GAREM1: variants seen among roughly 807,000 people sequenced by gnomAD.
The protein encoded by GAREM1 is GRB2 associated regulator of MAPK1 subtype 1, also known as GRB2-associated and regulator of MAPK protein 1.
In GAREM1, 26 loss-of-function variants were observed where a neutral mutation model predicts 71.3. That is an observed-to-expected ratio of 0.36 (90% CI 0.27 to 0.51). The LOEUF (loss-of-function observed/expected upper bound fraction) is 0.51, where lower values mean the gene tolerates loss of function less well. Among genes scored for constraint, GAREM1 ranks in the 20% least tolerant of loss-of-function variants. The pLI is 0.95. For synonymous variants in GAREM1, 440 were observed against 433.2 expected, an observed-to-expected ratio of 1.02 and a Z score of -0.20; for missense variants, 1,026 against 1,103.1, an observed-to-expected ratio of 0.93 and a Z score of 0.99.
chr18:32,347,485 A>T lies in GAREM1; in HGVS notation c.263-37162T>A, dbSNP rs114991540. Among the ~76,000 whole-genome samples, 1,302 of 152,312 alleles carry T rather than the reference A, an allele frequency of 8.5e-3. 20 individuals carry two copies. Among genetic ancestry groups the T allele is most frequent in the African/African-American group, 0.03 (1,234 of 41,574 alleles). ...TACTCTAGTTGGCTGCTTGGGAACA[A>T]AGGAAGAAACTGGAGTTCATATTGG... is the stretch of plus-strand genomic sequence containing the variant. On this transcript the variant is annotated intron_variant, in intron 2 of 5. Coordinates refer to ENST00000269209, the MANE Select transcript of GAREM1 (RefSeq NM_001242409.2).
At chr18:32,447,050 T>C (rs1286046873) in intron 1 of GAREM1, among the ~76,000 whole-genome samples, 1 of 152,198 alleles carries the variant, frequency 6.6e-6, no homozygotes, top group Admixed American at 6.5e-5. Context: ...GAGCACTAAT[T>C]ACATGCAACT....
At chr18:32,455,984 T>C (rs1008057858) in intron 1 of GAREM1, among the ~76,000 whole-genome samples, 3 of 152,056 alleles carry the variant, frequency 2.0e-5, no homozygotes, top group Non-Finnish European at 4.4e-5. Context: ...AAAAAAAATC[T>C]TATATCATAT....
rs779098933 is a variant in GAREM1 at position 32,438,569 on chromosome 18, G to C, written c.121+31739C>G. 2.4e-4 allele frequency among the ~76,000 whole-genome samples: 37 copies of C among 152,228 alleles called. 1 individual carries two copies. Among genetic ancestry groups the C allele is most frequent in the Non-Finnish European group, 5.1e-4 (35 of 68,044 alleles). Reference sequence around the variant, plus strand: ...TTTCTTTCCAGACCTTGCAACAAAGGCGAGTCAAGAACAAGTGCATGTCAA... The same window carrying C: ...TTTCTTTCCAGACCTTGCAACAAAGCCGAGTCAAGAACAAGTGCATGTCAA... On this transcript the variant is annotated intron_variant, in intron 1 of 5. Coordinates refer to ENST00000269209, the MANE Select transcript of GAREM1 (RefSeq NM_001242409.2).
intron 3 of GAREM1, among the ~76,000 whole-genome samples, chr18:32,304,860 G>T (rs1280501197): frequency 2.6e-5 from 4 of 151,992 alleles, no homozygotes; most frequent in African/African-American, 9.7e-5. Context: ...TGGCCTGCTT[G>T]AAGAAAAATA....
intron 4 of GAREM1, among the ~76,000 whole-genome samples, chr18:32,273,590 A>T (rs1264688117): frequency 6.6e-6 from 1 of 152,176 alleles, no homozygotes; most frequent in Non-Finnish European, 1.5e-5. Context: ...GGGCCTGGTG[A>T]GGAGGTAGCC....
At chr18:32,314,484 T>C (rs2047356571) in intron 2 of GAREM1, among the ~76,000 whole-genome samples, 1 of 152,202 alleles carries the variant, frequency 6.6e-6, no homozygotes. Context: ...TTAAATGATA[T>C]GACGCATCCA....
At chr18:32,306,670 T>C (rs1217367593) in intron 3 of GAREM1, among the ~76,000 whole-genome samples, 1 of 152,118 alleles carries the variant, frequency 6.6e-6, no homozygotes, top group Non-Finnish European at 1.5e-5. Context: ...GCCTAGACTA[T>C]TCTCTAAGCT....
chr18:32,273,735 A>AAG (rs141502703), intron 4 of GAREM1, among the ~76,000 whole-genome samples: 32 of 151,078 alleles, frequency 2.1e-4, no homozygotes, highest in South Asian at 6.3e-4. Context: ...GAGAGAAAGA[A>AAG]AGAGAGAGAG....
chr18:32,268,049 T>C lies in GAREM1; in HGVS notation c.2453A>G (p.Lys818Arg), dbSNP rs372903109. ...GGACAAACCAATGAACCGTAGTGAC[T>C]TGGACACTTCCTCTATAGAGAGTCC... ...LSGLSIEEVSKSLRFIGLSED... is the reference protein window; with the variant it reads ...LSGLSIEEVSRSLRFIGLSED... The change falls in exon 6 of 6, where the codon AAG becomes AGG. Residue 818 changes from lysine to arginine, a missense_variant. Physicochemically the swap from Lys to Arg is conservative, Grantham distance 26 (BLOSUM62 2). Around this residue, in one of 3 missense-constraint regions of GAREM1, gnomAD observed 636 missense variants for 631.2 expected, o/e 1.01. Coordinates refer to ENST00000269209, the MANE Select transcript of GAREM1 (RefSeq NM_001242409.2). 30 of 1,614,026 alleles carry C rather than the reference T, an allele frequency of 1.9e-5. No homozygotes were observed. The highest frequency in any genetic ancestry group is 2.7e-5 in the African/African-American group (2 of 74,924).
chr18:32,348,755 C>T (rs2047720276), intron 2 of GAREM1, among the ~76,000 whole-genome samples: 1 of 151,986 alleles, frequency 6.6e-6, no homozygotes, highest in Admixed American at 6.6e-5. Context: ...AAGAAAATTC[C>T]CCCTTTCTTT....
intron 1 of GAREM1, among the ~76,000 whole-genome samples, chr18:32,419,681 TCTGTAAAA>T (rs150931340): frequency 0.013 from 1,974 of 152,242 alleles, 56 homozygotes; most frequent in African/African-American, 0.045. Flanking sequence ...AAAAATTACA[TCTGTAAAA>T]TTTAAATCCC....
intron 4 of GAREM1, among the ~76,000 whole-genome samples, chr18:32,274,321 T>C (rs1305753678): frequency 6.6e-6 from 1 of 152,228 alleles, no homozygotes; most frequent in Non-Finnish European, 1.5e-5. Context: ...GCAGGATATT[T>C]ATATCCAGGA....
chr18:32,453,549 C>A (rs1432507788), intron 1 of GAREM1, among the ~76,000 whole-genome samples: 1 of 152,082 alleles, frequency 6.6e-6, no homozygotes, highest in Non-Finnish European at 1.5e-5. Context: ...GCTGCATTAC[C>A]CCAATCTCTG....
chr18:32,295,766 A>G (rs1307750405), intron 3 of GAREM1, among the ~76,000 whole-genome samples: 2 of 152,192 alleles, frequency 1.3e-5, no homozygotes, highest in African/African-American at 4.8e-5. Flanking sequence ...TGACAGCACA[A>G]TATTGTTTTA....
intron 2 of GAREM1, among the ~76,000 whole-genome samples, chr18:32,369,689 T>G (rs1184841819): frequency 6.6e-6 from 1 of 152,220 alleles, no homozygotes; most frequent in African/African-American, 2.4e-5. Flanking sequence ...AGCACATTTC[T>G]TTAATTTCTT....
chr18:32,441,301 G>C lies in GAREM1; in HGVS notation c.121+29007C>G, dbSNP rs138671305. 4.6e-5 allele frequency among the ~76,000 whole-genome samples: 7 copies of C among 151,766 alleles called. No individual in the cohort carries two copies. In the South Asian group the frequency reaches 1.5e-3, roughly 32 times the overall value. The stretch of plus-strand genomic sequence containing the variant: ...GAATTTGGGTTCTGTGTGGACTAGC[G>C]GCCAAAGTCCAACAACAACGTCTAG... On this transcript the variant is annotated intron_variant, in intron 1 of 5. Coordinates refer to ENST00000269209, the MANE Select transcript of GAREM1 (RefSeq NM_001242409.2).
chr18:32,327,565 A>G (rs2047485927), intron 2 of GAREM1, among the ~76,000 whole-genome samples: 1 of 152,226 alleles, frequency 6.6e-6, no homozygotes, highest in African/African-American at 2.4e-5. Flanking sequence ...TATGCATAAC[A>G]AGAAAAGAAT....
At chr18:32,350,395 T>C (rs1567974894) in intron 2 of GAREM1, among the ~76,000 whole-genome samples, 1 of 152,198 alleles carries the variant, frequency 6.6e-6, no homozygotes, top group Non-Finnish European at 1.5e-5. Context: ...ATTTAATGTA[T>C]CCAACTGAAG....
chr18:32,373,970 C>T (rs763347362), intron 2 of GAREM1, among the ~76,000 whole-genome samples: 3 of 152,164 alleles, frequency 2.0e-5, no homozygotes, highest in Non-Finnish European at 4.4e-5. Context: ...TTCACTTTGC[C>T]AATACACTCC....
Sources: gnomAD v4.1 joint callset for allele counts (sites outside exome capture counted in the v4.1 genomes callset) on GRCh38, gnomAD v4.1.1 for gene constraint, gnomAD v4.1.1 regional missense constraint, MANE v1.5 for transcripts, NCBI Gene and HGNC (gene_info 2026-07-23, HGNC 2026-07-21) for gene names.